AGXT: variants seen among roughly 807,000 people sequenced by gnomAD.
AGXT encodes L-alanine: glyoxylate aminotransferase 1.
In AGXT, 41 loss-of-function variants were observed where a neutral mutation model predicts 46.9. The observed-to-expected ratio is 0.88, with a 90% CI of 0.68 to 1.14. The LOEUF (loss-of-function observed/expected upper bound fraction) is 1.14. AGXT is among the 50% of genes most tolerant of loss of function. The pLI is 0.00. For missense variants in AGXT, 525 were observed against 522.7 expected (o/e 1.00, Z -0.04); for synonymous variants, 244 against 227.9 (o/e 1.07, Z -0.64).
chr2:240,878,202 T>C, intron 10 of AGXT, 52 bp downstream of exon 10: 3 of 1,606,248 alleles, frequency 1.9e-6, no homozygotes, highest in Non-Finnish European at 2.5e-6. Flanking sequence ...CCGCCACCCC[T>C]CCTTGAGCAG....
intron 8 of AGXT, among the ~76,000 whole-genome samples, chr2:240,876,650 C>T (rs4257395): frequency 6.6e-6 from 1 of 152,252 alleles, no homozygotes; most frequent in Non-Finnish European, 1.5e-5. Flanking sequence ...CTGCAGCCAG[C>T]TTCCCATGAG....
chr2:240,878,693 A>G, intron 10 of AGXT, 21 bp from the exon 11 acceptor site: 1 of 1,541,780 alleles, frequency 6.5e-7, no homozygotes, highest in Non-Finnish European at 8.7e-7. Flanking sequence ...GGCTGACGTC[A>G]GCCCGCCCTG....
intron 4 of AGXT, 78 bp from the exon 5 acceptor site, chr2:240,872,901 C>G (rs2058999603): frequency 3.1e-6 from 4 of 1,311,088 alleles, no homozygotes; most frequent in Non-Finnish European, 4.4e-6. Context: ...CTCAGAAACC[C>G]CATCCAGCCT....
At chr2:240,874,199 C>A in intron 6 of AGXT, 137 bp downstream of exon 6, 1 of 871,768 alleles carries the variant, frequency 1.1e-6, no homozygotes, top group Non-Finnish European at 1.8e-6. Context: ...TCCCGCCCAC[C>A]CTCTGGGAGG....
At chr2:240,873,237 GT>G in intron 5 of AGXT, 188 bp downstream of exon 5, 1 of 592,104 alleles carries the variant, frequency 1.7e-6, no homozygotes, top group Non-Finnish European at 3.0e-6. Context: ...GCACCCCAGT[GT>G]TTCCACTGAG....
chr2:240,877,514 C>T (rs1052091216), intron 8 of AGXT, 23 bp from the exon 9 acceptor site: 8 of 1,537,372 alleles, frequency 5.2e-6, no homozygotes, highest in Non-Finnish European at 7.0e-6. Context: ...TGTCACTGCC[C>T]ACCAGCGCCA....
At position 240,879,505 on chromosome 2, in the gene AGXT, T is replaced by G. The variant is rs1167565138; in HGVS notation, c.*684T>G. The stretch of plus-strand genomic sequence containing the variant: ...TGTGACCATAGATCAGCCTGGCATA[T>G]TTGAATTTATTTATTTATTTTGAAA... On this transcript the variant is annotated 3_prime_UTR_variant, in exon 11 of 11. Transcript: ENST00000307503. 1 of 152,482 alleles carries G rather than the reference T, an allele frequency of 6.6e-6. No homozygotes were observed. The highest frequency in any genetic ancestry group is 1.5e-5 in the Non-Finnish European group (1 of 68,306). 9.4% of individuals were successfully genotyped at this position (152,482 alleles called of 1,614,324 possible). A position where few individuals can be genotyped will look rare whatever the true frequency, so the allele number is the denominator to read the frequency against.
chr2:240,871,447 C>A lies in AGXT; in HGVS notation c.522C>A (p.His174Gln). ...QPLDGFGELC[H>Q]RYKCLLLVDS... Reference sequence around the variant, plus strand: ...TTGATGGCTTCGGGGAACTCTGCCACAGGTGAGCCTGGCCCCAGGGCGGTG... The same window carrying A: ...TTGATGGCTTCGGGGAACTCTGCCAAAGGTGAGCCTGGCCCCAGGGCGGTG... The change falls in exon 4 of 11, where the codon CAC (histidine) becomes CAA (glutamine). Residue 174 changes from histidine (H) to glutamine (Q), a missense_variant and splice_region_variant. His to Gln is a conservative substitution (Grantham distance 24). Transcript: ENST00000307503. The A allele has an allele frequency of 6.3e-7, 1 of 1,584,214 alleles. No homozygotes were observed. Among genetic ancestry groups the A allele is most frequent in the Non-Finnish European group, 8.6e-7 (1 of 1,165,510 alleles).
In AGXT at chr2:240,871,352, C is replaced by A; in HGVS notation, c.427C>A (p.Leu143Met). ...ACAGCCGTCCCTGCTTCCTCAGGGCCTGGCCCAGCACAAGCCAGTGCTGCT... is the reference window on the plus strand; with the variant it reads ...ACAGCCGTCCCTGCTTCCTCAGGGCATGGCCCAGCACAAGCCAGTGCTGCT... Reference protein sequence around the residue: ...HYTLQEVEEGLAQHKPVLLFL... With the variant: ...HYTLQEVEEGMAQHKPVLLFL... The change falls in exon 4 of 11, where the codon CTG becomes ATG. Residue 143 changes from leucine (L) to methionine (M), a missense_variant. Transcript: ENST00000307503. 1 of 1,578,064 alleles carries A rather than the reference C, an allele frequency of 6.3e-7. No individual in the cohort carries two copies. Among genetic ancestry groups the A allele is most frequent in the Non-Finnish European group, 8.6e-7 (1 of 1,162,696 alleles).
Position 240,876,005 on chromosome 2 carries a change from G to T in AGXT, c.846+1G>T, listed in dbSNP as rs180177281. 19 of 1,613,980 alleles carry T rather than the reference G, an allele frequency of 1.2e-5. No homozygotes were observed. Among genetic ancestry groups the T allele is most frequent in the Non-Finnish European group, 1.5e-5 (18 of 1,179,974 alleles). On this transcript the variant is annotated splice_donor_variant, in intron 8 of 10. Transcript: ENST00000307503. LOFTEE classifies it high-confidence loss of function. Reference sequence around the variant, plus strand: ...GAGCCTGGCCCTCATTGCGGAACAGGTGCATGGGCTGCACTCCACAGGAGG... The same window carrying T: ...GAGCCTGGCCCTCATTGCGGAACAGTTGCATGGGCTGCACTCCACAGGAGG...
intron 9 of AGXT, 121 bp from the exon 10 acceptor site, chr2:240,877,901 G>A (rs896284890): frequency 2.6e-5 from 36 of 1,410,772 alleles, no homozygotes; most frequent in South Asian, 1.1e-4. Flanking sequence ...GCTCTCTCCC[G>A]GCCCTTTCTC....
chr2:240,871,460 C>T lies in AGXT; in HGVS notation c.524+11C>T, dbSNP rs910890174. On this transcript the variant is annotated intron_variant, in intron 4 of 10. Transcript: ENST00000307503. ...GGAACTCTGCCACAGGTGAGCCTGG[C>T]CCCAGGGCGGTGGACTGGAGCACAG... 1.1e-5 allele frequency: 17 copies of T among 1,567,972 alleles called. No individual in the cohort carries two copies. The highest frequency in any genetic ancestry group is 1.1e-4 in the African/African-American group (8 of 73,892).
chr2:240,872,675 C>T (rs1006779841), intron 4 of AGXT, among the ~76,000 whole-genome samples: 6 of 152,060 alleles, frequency 3.9e-5, no homozygotes, highest in Non-Finnish European at 8.8e-5. Flanking sequence ...CACAGACTGC[C>T]CGGCTGACCC....
chr2:240,874,081 C>G lies in AGXT; in HGVS notation c.680+19C>G. 6.2e-7 allele frequency: 1 copy of G among 1,610,650 alleles called. No individual in the cohort carries two copies. Among genetic ancestry groups the G allele is most frequent in the South Asian group, 1.1e-5 (1 of 91,044 alleles). ...AGGCCAAGTGAGTGACCCACAGACC[C>G]TCACCTCTGTGCAGGGCTGGGCTTG... On this transcript the variant is annotated intron_variant, in intron 6 of 10. Coordinates refer to ENST00000307503, the MANE Select transcript of AGXT (RefSeq NM_000030.3).
At chr2:240,873,897 C>T (rs968332302) in intron 5 of AGXT, 81 bp from the exon 6 acceptor site, 3 of 1,253,590 alleles carry the variant, frequency 2.4e-6, no homozygotes, top group Admixed American at 1.7e-5. Context: ...CCTACCAGCC[C>T]ATTAGCTAGG....
chr2:240,873,928 C>A (rs1344681677), intron 5 of AGXT, 50 bp from the exon 6 acceptor site: 1 of 1,556,056 alleles, frequency 6.4e-7, no homozygotes, highest in Non-Finnish European at 8.9e-7. Context: ...GCTGGACTGG[C>A]CTGCCCTGAG....
At chr2:240,872,400 G>A (rs1022441457) in intron 4 of AGXT, among the ~76,000 whole-genome samples, 1 of 151,506 alleles carries the variant, frequency 6.6e-6, no homozygotes, top group South Asian at 2.1e-4. Context: ...GGTGGAGGAG[G>A]GTGAGAGTTC....
At chr2:240,872,756 T>A (rs1575709179) in intron 4 of AGXT, among the ~76,000 whole-genome samples, 1 of 151,996 alleles carries the variant, frequency 6.6e-6, no homozygotes. Flanking sequence ...CTCCCCCAGC[T>A]CCCTCTGCTC....
At position 240,877,560 on chromosome 2, in the gene AGXT, G is replaced by A; in HGVS notation, c.870G>A (p.Gln290=). 1 of 1,550,084 alleles carries A rather than the reference G, an allele frequency of 6.5e-7. No homozygotes were observed. ...AGGGCCTGGAGAACAGCTGGCGCCAGCACCGCGAGGCCGCGGCGTATCTGC... is the reference window on the plus strand; with the variant it reads ...AGGGCCTGGAGAACAGCTGGCGCCAACACCGCGAGGCCGCGGCGTATCTGC... ...AEQGLENSWR[Q]HREAAAYLHG... is the part of the protein sequence containing the mutation. The change falls in exon 9 of 11, where the codon CAG becomes CAA. Residue 290 remains glutamine (Q), a synonymous_variant. Transcript: ENST00000307503.
Sources: gnomAD v4.1 joint callset for allele counts (sites outside exome capture counted in the v4.1 genomes callset) on GRCh38, gnomAD v4.1.1 for gene constraint, MANE v1.5 for transcripts, NCBI Gene and HGNC (gene_info 2026-07-23, HGNC 2026-07-21) for gene names.